Variants in SLC7A14 observed in about 807,000 individuals in gnomAD.
SLC7A14 encodes the protein solute carrier family 7 member 14.
Under a neutral mutation model 60.2 loss-of-function variants are expected in SLC7A14, and 37 were observed. That is an observed-to-expected ratio of 0.61 (90% confidence interval 0.47 to 0.81). SLC7A14 has a LOEUF of 0.81. Ranked by LOEUF, SLC7A14 falls within the 30% of genes least tolerant of loss-of-function variation. The pLI is 0.00. For synonymous variants in SLC7A14, 399 were observed against 395.8 expected (o/e 1.01, Z -0.10); for missense variants, 886 against 982.7 (o/e 0.90, Z 1.32).
At position 170,501,461 on chromosome 3, in the gene SLC7A14, A is replaced by G. The variant is rs924716047; in HGVS notation, c.305-116T>C. On this transcript the variant is annotated intron_variant, in intron 2 of 7. Transcript: ENST00000231706. ...TTCTAGGATCTCAGAACAAATACAC[A>G]AAGTTTTATGTATATGAATCGATTC... 3.6e-6 allele frequency: 3 copies of G among 837,452 alleles called. No individual in the cohort carries two copies. In the African/African-American group the frequency reaches 5.1e-5, roughly 14 times the overall value. The allele number at this position is 837,452 out of a possible 1,614,324, so 51.9% of individuals were successfully genotyped here.
At chr3:170,569,897 C>T (rs1714896877) in intron 1 of SLC7A14, among the ~76,000 whole-genome samples, 2 of 152,068 alleles carry the variant, frequency 1.3e-5, no homozygotes, top group Non-Finnish European at 2.9e-5. Flanking sequence ...TGATTCTTCT[C>T]TCCTTTCTTC....
rs759768867 is a variant in SLC7A14 at position 170,483,474 on chromosome 3, C to G, written c.955G>C (p.Glu319Gln). ...LMVPYYTIDT[E>Q]SPLMEMFVAH... ...ACAAACATCTCCATGAGTGGGGATT[C>G]CGTGTCAATGGTATAATATGGCACC... The change falls in exon 6 of 8, where the codon GAA (glutamate) becomes CAA (glutamine). Residue 319 changes from glutamate (E) to glutamine (Q), a missense_variant. Physicochemically the swap from Glu to Gln is conservative, Grantham distance 29. Transcript: ENST00000231706. 1 of 1,614,184 alleles carries G rather than the reference C, an allele frequency of 6.2e-7. No homozygotes were observed. Among genetic ancestry groups the G allele is most frequent in the African/African-American group, 1.3e-5 (1 of 75,042 alleles).
intron 1 of SLC7A14, among the ~76,000 whole-genome samples, chr3:170,547,419 A>G (rs1714212433): frequency 6.6e-6 from 1 of 152,216 alleles, no homozygotes; most frequent in Admixed American, 6.5e-5. Context: ...CCTACTGTTG[A>G]CCAGAAGCCT....
At chr3:170,575,460 T>C (rs998245705) in intron 1 of SLC7A14, among the ~76,000 whole-genome samples, 11 of 152,274 alleles carry the variant, frequency 7.2e-5, no homozygotes, top group East Asian at 1.9e-4. Context: ...GAATGCTGTA[T>C]GTAGAAGGAG....
At position 170,498,841 on chromosome 3, in the gene SLC7A14, G is replaced by T; in HGVS notation, c.585C>A (p.Ile195=). Residue 195 remains isoleucine, a synonymous_variant, in exon 4 of 8, where the codon ATC becomes ATA. Transcript: ENST00000231706. The part of the protein sequence containing the change: ...ESYPDLLALL[I]AVIVTIIVAL... ...CAACAATGATGGTCACGATGACCGC[G>T]ATCAACAGAGCCAGAAGGTCTGGGT... 1 of 1,614,122 alleles carries T rather than the reference G, an allele frequency of 6.2e-7. No homozygotes were observed. Among genetic ancestry groups the T allele is most frequent in the Non-Finnish European group, 8.5e-7 (1 of 1,180,028 alleles).
rs1408343025 is a variant in SLC7A14, at chr3:170,466,000, T to C, written c.*1055A>G. ...AGGAATAAGGTTCAGAAGTGAAATG[T>C]GATCTCATGGAATGCAACTACCTAA... On this transcript the variant is annotated 3_prime_UTR_variant, in exon 8 of 8. Transcript: ENST00000231706. 6.6e-6 allele frequency: 1 copy of C among 152,220 alleles called. No individual in the cohort carries two copies. The highest frequency in any genetic ancestry group is 2.4e-5 in the African/African-American group (1 of 41,468). 9.4% of individuals were successfully genotyped at this position (152,220 alleles called of 1,614,324 possible).
chr3:170,506,027 T>C (rs1219267888), intron 2 of SLC7A14, among the ~76,000 whole-genome samples: 2 of 152,256 alleles, frequency 1.3e-5, no homozygotes, highest in African/African-American at 4.8e-5. Context: ...TTTGTGGTTA[T>C]CCACCAAGTG....
chr3:170,563,925 G>A (rs1714728007), intron 1 of SLC7A14, among the ~76,000 whole-genome samples: 1 of 152,118 alleles, frequency 6.6e-6, no homozygotes, highest in African/African-American at 2.4e-5. Context: ...TAGGAATCCT[G>A]GTGATTTCTT....
chr3:170,556,785 A>G (rs1714495035), intron 1 of SLC7A14, among the ~76,000 whole-genome samples: 1 of 152,174 alleles, frequency 6.6e-6, no homozygotes, highest in African/African-American at 2.4e-5. Context: ...GGAACTAGGT[A>G]TTGATTTTTG....
At chr3:170,492,491 T>A (rs145527900) in intron 4 of SLC7A14, among the ~76,000 whole-genome samples, 3 of 151,914 alleles carry the variant, frequency 2.0e-5, no homozygotes, top group Non-Finnish European at 2.9e-5. Context: ...GGCGACAGAG[T>A]GAGACTCTGC....
At chr3:170,502,442 T>A (rs1477352656) in intron 2 of SLC7A14, among the ~76,000 whole-genome samples, 1 of 152,190 alleles carries the variant, frequency 6.6e-6, no homozygotes, top group African/African-American at 2.4e-5. Flanking sequence ...CATACCAAAC[T>A]TCTGGGAGTT....
chr3:170,582,825 CA>C (rs1171011824), intron 1 of SLC7A14, among the ~76,000 whole-genome samples: 5 of 152,034 alleles, frequency 3.3e-5, no homozygotes, highest in African/African-American at 1.2e-4. Flanking sequence ...CAATTAAATA[CA>C]AAAATCCAAT....
intron 5 of SLC7A14, among the ~76,000 whole-genome samples, chr3:170,485,286 G>A (rs1239347777): frequency 6.6e-6 from 1 of 152,176 alleles, no homozygotes; most frequent in African/African-American, 2.4e-5. Flanking sequence ...GAACAATCCT[G>A]TTTGCAGCTT....
chr3:170,566,858 C>A lies in SLC7A14; in HGVS notation c.-153+19053G>T, dbSNP rs533745045. ...AAAAGAAAAACAAAACAAAACGAAA[C>A]AAACCCCAAAGCAAGACTTTTGCTT... is the stretch of plus-strand genomic sequence containing the variant. On this transcript the variant is annotated intron_variant, in intron 1 of 7. Coordinates refer to ENST00000231706, the MANE Select transcript of SLC7A14 (RefSeq NM_020949.3). Among the ~76,000 whole-genome samples the A allele has an allele frequency of 1.0e-3, 154 of 150,764 alleles. 1 individual carries two copies. The highest frequency in any genetic ancestry group is 3.7e-3 in the African/African-American group (151 of 41,152).
In SLC7A14 at chr3:170,483,457, C is replaced by T. The variant is rs2108270482; in HGVS notation, c.972G>A (p.Glu324=). The T allele has an allele frequency of 1.2e-6, 2 of 1,614,232 alleles. No individual in the cohort carries two copies. Among genetic ancestry groups the T allele is most frequent in the Non-Finnish European group, 1.7e-6 (2 of 1,180,044 alleles). Residue 324 remains glutamate, a synonymous_variant, in exon 6 of 8, where the codon GAG becomes GAA. Transcript: ENST00000231706. The part of the protein sequence containing the change: ...YTIDTESPLM[E]MFVAHGFYAA... ...CATAGAACCCATGAGCCACAAACAT[C>T]TCCATGAGTGGGGATTCCGTGTCAA...
intron 1 of SLC7A14, among the ~76,000 whole-genome samples, chr3:170,568,709 T>C (rs1714862917): frequency 1.3e-5 from 2 of 152,220 alleles, no homozygotes; most frequent in African/African-American, 4.8e-5. Context: ...GTAGTTCTCC[T>C]TGAAGAGTTC....
intron 2 of SLC7A14, among the ~76,000 whole-genome samples, chr3:170,514,571 GT>G (rs1713091758): frequency 1.3e-5 from 2 of 152,336 alleles, no homozygotes; most frequent in Middle Eastern, 3.4e-3. Context: ...TTAACAATGT[GT>G]TTTAAGGCAT....
chr3:170,521,017 T>C (rs1209485317), intron 2 of SLC7A14, among the ~76,000 whole-genome samples: 6 of 152,238 alleles, frequency 3.9e-5, no homozygotes, highest in Admixed American at 3.9e-4. Context: ...ATCTAGTTTA[T>C]ACAATCTGCA....
intron 7 of SLC7A14, among the ~76,000 whole-genome samples, chr3:170,476,476 G>T (rs540311534): frequency 1.3e-5 from 2 of 152,162 alleles, no homozygotes; most frequent in Admixed American, 1.3e-4. Flanking sequence ...TTGAGTCAGC[G>T]AGTAGCAGTT....
Sources: gnomAD v4.1 joint callset for allele counts (sites outside exome capture counted in the v4.1 genomes callset) on GRCh38, gnomAD v4.1.1 for gene constraint, MANE v1.5 for transcripts, NCBI Gene and HGNC (gene_info 2026-07-23, HGNC 2026-07-21) for gene names.